The following BICD2 variants were observed in gnomAD, a reference collection of about 807,000 sequenced individuals.
The protein encoded by BICD2 is protein bicaudal D homolog 2.
A neutral mutation model predicts 72.9 loss-of-function variants in BICD2; 25 were observed. The ratio of observed to expected loss-of-function variants is 0.34; its 90% CI spans 0.25 to 0.48. BICD2 has a LOEUF of 0.48. Among genes scored for constraint, BICD2 ranks in the 20% least tolerant of loss-of-function variants. BICD2 has a pLI of 0.99. For synonymous variants in BICD2, 501 were observed against 516.1 expected (o/e 0.97, Z 0.40); for missense variants, 894 against 1,175.2 (o/e 0.76, Z 3.50).
intron 1 of BICD2, among the ~76,000 whole-genome samples, chr9:92,733,398 C>T (rs1344512226): frequency 6.6e-6 from 1 of 151,172 alleles, no homozygotes; most frequent in Admixed American, 6.6e-5. Context: ...ATTAGCTGGG[C>T]GTGGTGGCGG....
chr9:92,726,757 C>T (rs746358014), intron 2 of BICD2, among the ~76,000 whole-genome samples: 10 of 152,066 alleles, frequency 6.6e-5, no homozygotes, highest in Non-Finnish European at 1.2e-4. Flanking sequence ...GAGGGGTGTG[C>T]AGGGAGTCTC....
intron 4 of BICD2, among the ~76,000 whole-genome samples, chr9:92,719,883 T>G (rs1188508626): frequency 6.6e-6 from 1 of 152,220 alleles, no homozygotes; most frequent in East Asian, 1.9e-4. Flanking sequence ...CTAGGCTGGC[T>G]GGGTGTGTAG....
chr9:92,755,692 G>A (rs1419040032), intron 1 of BICD2, among the ~76,000 whole-genome samples: 1 of 152,184 alleles, frequency 6.6e-6, no homozygotes, highest in African/African-American at 2.4e-5. Context: ...GAATCCCCTA[G>A]GCTTATGGAC....
chr9:92,749,617 C>A (rs1274035375), intron 1 of BICD2, among the ~76,000 whole-genome samples: 1 of 152,214 alleles, frequency 6.6e-6, no homozygotes, highest in East Asian at 1.9e-4. Context: ...GGAATTCATC[C>A]CTGGGCAGGA....
At chr9:92,726,310 G>A (rs1177599069) in intron 2 of BICD2, among the ~76,000 whole-genome samples, 2 of 152,184 alleles carry the variant, frequency 1.3e-5, no homozygotes, top group Non-Finnish European at 2.9e-5. Flanking sequence ...GGTGTGTTGG[G>A]GTGTGGAGGG....
rs1853413265 is a variant in BICD2, at chr9:92,719,494, T to C, written c.1151A>G (p.Gln384Arg). 1 of 1,613,842 alleles carries C rather than the reference T, an allele frequency of 6.2e-7. No individual in the cohort carries two copies. Among genetic ancestry groups the C allele is most frequent in the South Asian group, 1.1e-5 (1 of 91,082 alleles). Residue 384 changes from glutamine to arginine, a missense_variant, in exon 5 of 7, where the codon CAG (glutamine) becomes CGG (arginine). By Grantham distance (43) the Gln-to-Arg change is conservative (BLOSUM62 1). Transcript: ENST00000356884. ...EHTRGSLSEQ[Q>R]EKVTRLTENL... Reference sequence around the variant, plus strand: ...CTCTGTGAGGCGGGTCACCTTCTCCTGCTGTTCTGACAGGGAGCCCCGCGT... The same window carrying C: ...CTCTGTGAGGCGGGTCACCTTCTCCCGCTGTTCTGACAGGGAGCCCCGCGT...
In BICD2 at chr9:92,729,077, T is replaced by C; in HGVS notation, c.400A>G (p.Asn134Asp). ...ELKQLRNVLTNTQSENERLAS... is the reference protein window; with the variant it reads ...ELKQLRNVLTDTQSENERLAS... ...AGGCGCTCATTCTCCGACTGCGTGT[T>C]GGTGAGGACATTGCGCAACTGCTTC... Residue 134 changes from asparagine (N) to aspartate (D), a missense_variant, in exon 2 of 7, where the codon AAC becomes GAC. Asn to Asp is a conservative substitution (Grantham distance 23). Transcript: ENST00000356884. The C allele has an allele frequency of 6.2e-7, 1 of 1,614,220 alleles. No homozygotes were observed. The highest frequency in any genetic ancestry group is 8.5e-7 in the Non-Finnish European group (1 of 1,180,028).
intron 1 of BICD2, among the ~76,000 whole-genome samples, chr9:92,745,226 T>C (rs1277380005): frequency 1.3e-5 from 2 of 151,922 alleles, no homozygotes; most frequent in Non-Finnish European, 2.9e-5. Flanking sequence ...CAACTTACAG[T>C]AGCTACAAAC....
Position 92,722,697 on chromosome 9 carries a change from T to C in BICD2, c.565A>G (p.Ile189Val), listed in dbSNP as rs1587671674. 3 of 1,614,098 alleles carry C rather than the reference T, an allele frequency of 1.9e-6. No individual in the cohort carries two copies. The highest frequency in any genetic ancestry group is 1.7e-5 in the Admixed American group (1 of 60,002). ...ACAGACACTTGCTTCTGCAGGCTGA[T>C]GTTCTCCTCCTCCAGTTCCGAGTAG... ...QDYSELEEENISLQKQVSVLR... is the reference protein window; with the variant it reads ...QDYSELEEENVSLQKQVSVLR... The change falls in exon 3 of 7, where the codon ATC becomes GTC. Residue 189 changes from isoleucine (I) to valine (V), a missense_variant. Physicochemically the swap from Ile to Val is conservative, Grantham distance 29 (BLOSUM62 3). Around this residue, in one of 5 missense-constraint regions of BICD2, gnomAD observed 5 missense variants for 24.5 expected, o/e 0.20. Coordinates refer to ENST00000356884, the MANE Select transcript of BICD2 (RefSeq NM_001003800.2).
intron 1 of BICD2, among the ~76,000 whole-genome samples, chr9:92,730,921 G>C (rs1189509405): frequency 6.6e-6 from 1 of 152,242 alleles, no homozygotes; most frequent in Non-Finnish European, 1.5e-5. Context: ...AATCGGGTCA[G>C]CTCTGTGATT....
chr9:92,722,847 C>T (rs746074513), intron 2 of BICD2, 39 bp from the exon 3 acceptor site: 1 of 1,612,878 alleles, frequency 6.2e-7, no homozygotes, highest in East Asian at 2.2e-5. Flanking sequence ...GAGCAGCCTC[C>T]ACAGGGCACG....
At chr9:92,726,480 C>T (rs753012379) in intron 2 of BICD2, among the ~76,000 whole-genome samples, 3 of 152,116 alleles carry the variant, frequency 2.0e-5, no homozygotes, top group Non-Finnish European at 2.9e-5. Context: ...GGGAAAGCCA[C>T]GCTGGGGGTG....
intron 1 of BICD2, among the ~76,000 whole-genome samples, chr9:92,760,875 A>G (rs1854357211): frequency 6.6e-6 from 1 of 152,208 alleles, no homozygotes; most frequent in South Asian, 2.1e-4. Flanking sequence ...GGGTTATCAG[A>G]CGAATGGGAG....
chr9:92,713,723 G>A lies in BICD2; in HGVS notation c.*1431C>T, dbSNP rs1853240555. The A allele has an allele frequency of 2.2e-6, 3 of 1,368,832 alleles. No homozygotes were observed. Among genetic ancestry groups the A allele is most frequent in the East Asian group, 5.7e-5 (2 of 34,850 alleles). The allele number at this position is 1,368,832 out of a possible 1,614,324, so 84.8% of individuals were successfully genotyped here. On this transcript the variant is annotated 3_prime_UTR_variant, in exon 7 of 7. Coordinates refer to ENST00000356884, the MANE Select transcript of BICD2 (RefSeq NM_001003800.2). ...CATGCCAGCAGCCATCCCACTGCGA[G>A]TCTTGCTGGGGCAGGGGGATCTGGG...
intron 1 of BICD2, among the ~76,000 whole-genome samples, chr9:92,741,912 C>A (rs936208233): frequency 1.2e-4 from 18 of 152,100 alleles, no homozygotes; most frequent in African/African-American, 4.3e-4. Context: ...CCATAAAATC[C>A]TCCCAAATTA....
At chr9:92,742,179 C>T (rs1287365411) in intron 1 of BICD2, among the ~76,000 whole-genome samples, 1 of 152,276 alleles carries the variant, frequency 6.6e-6, no homozygotes, top group South Asian at 2.1e-4. Context: ...TGCCTCAAAT[C>T]TTCTGGGGAT....
Position 92,722,749 on chromosome 9 carries a change from T to C in BICD2, c.513A>G (p.Lys171=), listed in dbSNP as rs1587671742. The C allele has an allele frequency of 1.9e-6, 3 of 1,614,180 alleles. No individual in the cohort carries two copies. The highest frequency in any genetic ancestry group is 1.3e-5 in the African/African-American group (1 of 75,040). The change falls in exon 3 of 7, where the codon AAA becomes AAG. Residue 171 remains lysine (K), a synonymous_variant. Transcript: ENST00000356884. ...GRLRDDIKEY[K]FREARLLQDY... ...CCTGCAGCAGACGAGCTTCCCGGAA[T>C]TTGTACTCCTTGATGTCATCCCGCA... is the stretch of plus-strand genomic sequence containing the variant.
intron 1 of BICD2, among the ~76,000 whole-genome samples, chr9:92,752,601 C>A (rs1854172966): frequency 6.6e-6 from 1 of 152,032 alleles, no homozygotes; most frequent in Non-Finnish European, 1.5e-5. Flanking sequence ...GACCATGTAC[C>A]TACTAAAAAA....
chr9:92,722,588 C>T (rs1170548467), intron 3 of BICD2, 68 bp downstream of exon 3: 2 of 1,599,646 alleles, frequency 1.3e-6, no homozygotes, highest in East Asian at 4.5e-5. Context: ...GGGAGAGGGG[C>T]TGAGCAAGAG....
Sources: allele counts gnomAD v4.1 joint callset (sites outside exome capture counted in the v4.1 genomes callset), GRCh38; gene constraint gnomAD v4.1.1; regional missense constraint gnomAD v4.1.1; transcripts MANE v1.5; gene names NCBI Gene and HGNC (gene_info 2026-07-23, HGNC 2026-07-21).